The following PTK6 variants were observed in gnomAD, a reference collection of about 807,000 sequenced individuals.
PTK6 encodes protein-tyrosine kinase 6.
Under a neutral mutation model 47.5 loss-of-function variants are expected in PTK6, and 47 were observed. The observed-to-expected ratio is 0.99, with a 90% confidence interval of 0.78 to 1.26. The LOEUF (loss-of-function observed/expected upper bound fraction) is 1.26. Among genes scored for constraint, PTK6 ranks in the 50% most tolerant of loss-of-function variants. The probability of loss-of-function intolerance (pLI) is 0.00; values close to 1 mark genes in which losing one functional copy is unlikely to be tolerated. For missense variants in PTK6, 618 were observed against 625.3 expected (o/e 0.99, Z 0.12); for synonymous variants, 287 against 276.5 (o/e 1.04, Z -0.38).
At position 63,530,383 on chromosome 20, in the gene PTK6, C is replaced by G; in HGVS notation, c.1015-152G>C. 3.8e-6 allele frequency: 4 copies of G among 1,046,904 alleles called. No homozygotes were observed. Among genetic ancestry groups the G allele is most frequent in the African/African-American group, 1.6e-5 (1 of 62,572 alleles). 64.9% of individuals were successfully genotyped at this position (1,046,904 alleles called of 1,614,324 possible). On this transcript the variant is annotated intron_variant, in intron 6 of 7. Transcript: ENST00000542869. The surrounding 1 kb of genome is among the most constrained non-coding windows in gnomAD (Gnocchi z 4.1). The stretch of plus-strand genomic sequence containing the variant: ...CACGGCCGCTGCAGCTAAGGCCACA[C>G]TGGGGCCTGACCACCTTCAGGAGCC...
Position 63,529,728 on chromosome 20 carries a change from G to C in PTK6, c.1169-5C>G. ...AGGCCTCATGGTTGGACATGCCTGCGGCCGACAGGGATGAGAAGAGCTGGG... is the reference window on the plus strand; with the variant it reads ...AGGCCTCATGGTTGGACATGCCTGCCGCCGACAGGGATGAGAAGAGCTGGG... On this transcript the variant is annotated splice_polypyrimidine_tract_variant and splice_region_variant and intron_variant, in intron 7 of 7. Coordinates refer to ENST00000542869, the MANE Select transcript of PTK6 (RefSeq NM_005975.4). The surrounding 1 kb of genome is among the most constrained non-coding windows in gnomAD (Gnocchi z 5.6). The C allele has an allele frequency of 6.5e-7, 1 of 1,537,658 alleles. No individual in the cohort carries two copies. Among genetic ancestry groups the C allele is most frequent in the Non-Finnish European group, 8.7e-7 (1 of 1,143,318 alleles).
At chr20:63,535,092 T>C (rs1229832838) in intron 1 of PTK6, 33 bp from the exon 2 acceptor site, 2 of 1,568,110 alleles carry the variant, frequency 1.3e-6, no homozygotes, top group Non-Finnish European at 1.7e-6. Flanking sequence ...CACGCGGACC[T>C]GGGCCCACCC....
rs552657815 is a variant in PTK6 at position 63,530,100 on chromosome 20, G to A, written c.1146C>T (p.Ser382=). The stretch of plus-strand genomic sequence containing the variant: ...TACCTGGGTAGGGCACCTGACCCCT[G>A]CTGAACATCTCATGCAGGAGAATCC... ...SFGILLHEMF[S]RGQVPYPGMS... is the part of the protein sequence containing the mutation. The change falls in exon 7 of 8, where the codon AGC becomes AGT. Residue 382 remains serine, a synonymous_variant. Transcript: ENST00000542869. The surrounding 1 kb of genome is among the most constrained non-coding windows in gnomAD (Gnocchi z 4.1). 1 of 1,613,906 alleles carries A rather than the reference G, an allele frequency of 6.2e-7. No individual in the cohort carries two copies. The highest frequency in any genetic ancestry group is 1.7e-5 in the Admixed American group (1 of 60,014).
At position 63,530,340 on chromosome 20, in the gene PTK6, C is replaced by G. The variant is rs960534917; in HGVS notation, c.1015-109G>C. The G allele has an allele frequency of 4.2e-6, 6 of 1,419,480 alleles. No individual in the cohort carries two copies. The highest frequency in any genetic ancestry group is 5.8e-6 in the Non-Finnish European group (6 of 1,034,656). 87.9% of individuals were successfully genotyped at this position (1,419,480 alleles called of 1,614,324 possible). Reference sequence around the variant, plus strand: ...GCCCCAGCAGTGGGACGGTGATGACCCCACTGTCTGACCCACGCACGGCCG... The same window carrying G: ...GCCCCAGCAGTGGGACGGTGATGACGCCACTGTCTGACCCACGCACGGCCG... On this transcript the variant is annotated intron_variant, in intron 6 of 7. Coordinates refer to ENST00000542869, the MANE Select transcript of PTK6 (RefSeq NM_005975.4). This position sits in a 1 kb window ranked among gnomAD's most constrained non-coding sequence, Gnocchi z 4.1.
chr20:63,532,806 C>T, intron 4 of PTK6, 119 bp from the exon 5 acceptor site: 1 of 1,318,636 alleles, frequency 7.6e-7, no homozygotes. Context: ...GCAGGACACA[C>T]AGACCTCCTG....
rs56338872 is a variant in PTK6 at position 63,533,681 on chromosome 20, A to G, written c.540T>C (p.His180=). The change falls in exon 4 of 8, where the codon CAT becomes CAC. Residue 180 remains histidine, a synonymous_variant. Transcript: ENST00000542869. This position sits in a 1 kb window ranked among gnomAD's most constrained non-coding sequence, Gnocchi z 4.0. ...CRKHEPEPLP[H]WDDWERPREE... is the part of the protein sequence containing the mutation. ...CCCTCGGCCTCTCCCAGTCATCCCAATGGGGCAGGGGCTCAGGCTCGTGCT... is the reference window on the plus strand; with the variant it reads ...CCCTCGGCCTCTCCCAGTCATCCCAGTGGGGCAGGGGCTCAGGCTCGTGCT... 0.027 allele frequency: 43,238 copies of G among 1,613,022 alleles called. 8,026 individuals are homozygous for G. In the African/African-American group the frequency reaches 0.45, roughly 17 times the overall value.
Position 63,533,550 on chromosome 20 carries a change from C to T in PTK6, c.670+1G>A, listed in dbSNP as rs567929768. ...CAGAGCCCTGATCGGGGCCCACTCA[C>T]CTCGAGAAATCACCTTAATGGCCAC... On this transcript the variant is annotated splice_donor_variant, in intron 4 of 7. Transcript: ENST00000542869. LOFTEE classifies it high-confidence loss of function. The surrounding 1 kb of genome is among the most constrained non-coding windows in gnomAD (Gnocchi z 4.0). 4 of 1,605,126 alleles carry T rather than the reference C, an allele frequency of 2.5e-6. No homozygotes were observed. Among genetic ancestry groups the T allele is most frequent in the Non-Finnish European group, 3.4e-6 (4 of 1,174,472 alleles).
intron 2 of PTK6, 88 bp downstream of exon 2, chr20:63,534,850 A>G: frequency 6.8e-7 from 1 of 1,471,752 alleles, no homozygotes. Context: ...CGTCTCAGCC[A>G]GAGCGAGCCG....
rs1044387885 is a variant in PTK6 at position 63,534,316 on chromosome 20, C to A, written c.353-1G>T. On this transcript the variant is annotated splice_acceptor_variant, in intron 2 of 7. Coordinates refer to ENST00000542869, the MANE Select transcript of PTK6 (RefSeq NM_005975.4). LOFTEE classifies it high-confidence loss of function. ...TGCCGCACAGCCTGCGTGTCCCGCACTGGGAGGGAGAGCGTGAGCTGTGTG... is the reference window on the plus strand; with the variant it reads ...TGCCGCACAGCCTGCGTGTCCCGCAATGGGAGGGAGAGCGTGAGCTGTGTG... 2 of 1,598,610 alleles carry A rather than the reference C, an allele frequency of 1.3e-6. No homozygotes were observed. The highest frequency in any genetic ancestry group is 1.7e-6 in the Non-Finnish European group (2 of 1,174,726).
At chr20:63,535,694 G>A (rs1376179361) in intron 1 of PTK6, among the ~76,000 whole-genome samples, 1 of 151,322 alleles carries the variant, frequency 6.6e-6, no homozygotes, top group Non-Finnish European at 1.5e-5. Context: ...GAGCCCCTGG[G>A]GTCCACCCCC....
chr20:63,531,342 A>G (rs1600932522), intron 5 of PTK6, among the ~76,000 whole-genome samples: 2 of 144,534 alleles, frequency 1.4e-5, no homozygotes, highest in African/African-American at 2.6e-5. Context: ...AATGGCGTGA[A>G]CCCGGGAGGC....
At position 63,529,930 on chromosome 20, in the gene PTK6, A is replaced by G; in HGVS notation, c.1168+148T>C. The G allele has an allele frequency of 8.7e-7, 1 of 1,149,582 alleles. No homozygotes were observed. The highest frequency in any genetic ancestry group is 2.7e-5 in the Admixed American group (1 of 37,310). The allele number at this position is 1,149,582 out of a possible 1,614,324, so 71.2% of individuals were successfully genotyped here. A position where few individuals can be genotyped will look rare whatever the true frequency, so the allele number is the denominator to read the frequency against. On this transcript the variant is annotated intron_variant, in intron 7 of 7. Transcript: ENST00000542869. The surrounding 1 kb of genome is among the most constrained non-coding windows in gnomAD (Gnocchi z 5.6). ...GCTCCAGGCACCAGCCTGGGTGCTC[A>G]GAGAATGGTGCAGGTGTGGAGTTCA...
rs1441545887 is a variant in PTK6, at chr20:63,537,301, T to A, written c.14A>T (p.Asp5Val). 1 of 1,610,622 alleles carries A rather than the reference T, an allele frequency of 6.2e-7. No homozygotes were observed. Among genetic ancestry groups the A allele is most frequent in the Non-Finnish European group, 8.5e-7 (1 of 1,178,998 alleles). Residue 5 changes from aspartate to valine, a missense_variant, in exon 1 of 8, where the codon GAC (aspartate) becomes GTC (valine). By Grantham distance (152) the Asp-to-Val change is radical. Coordinates refer to ENST00000542869, the MANE Select transcript of PTK6 (RefSeq NM_005975.4). The stretch of plus-strand genomic sequence containing the variant: ...ATACTTGGGGCCCAGGTGAGCCTGG[T>A]CCCGGGACACCATGGCGGGCGGGCG... MVSRDQAHLGPKYVG... is the reference protein window; with the variant it reads MVSRVQAHLGPKYVG...
At chr20:63,536,959 GGGTGCAGGAAGAT>G in intron 1 of PTK6, 113 bp downstream of exon 1, 1 of 1,010,904 alleles carries the variant, frequency 9.9e-7, no homozygotes, top group South Asian at 1.6e-5. Flanking sequence ...CTGGACTTTG[GGGTGCAGGAAGAT>G]GGAACCGGGG....
Position 63,533,248 on chromosome 20 carries a change from A to G in PTK6, c.670+303T>C, listed in dbSNP as rs2082639409. Among the ~76,000 whole-genome samples the G allele has an allele frequency of 6.6e-6, 1 of 151,986 alleles. No individual in the cohort carries two copies. The highest frequency in any genetic ancestry group is 2.1e-4 in the South Asian group (1 of 4,832). ...ACACTCGGCTAATTTTTGTATTTTT[A>G]GTAGAGACGTGGTTTCCCCATGTTG... On this transcript the variant is annotated intron_variant, in intron 4 of 7. Transcript: ENST00000542869. The surrounding 1 kb of genome is among the most constrained non-coding windows in gnomAD (Gnocchi z 4.0).
Position 63,529,457 on chromosome 20 carries a change from G to A in PTK6, c.*79C>T, listed in dbSNP as rs533471869. The A allele has an allele frequency of 2.6e-5, 36 of 1,406,950 alleles. No homozygotes were observed. Among genetic ancestry groups the A allele is most frequent in the Admixed American group, 5.7e-5 (2 of 35,190 alleles). The allele number at this position is 1,406,950 out of a possible 1,614,324, so 87.2% of individuals were successfully genotyped here. A position where few individuals can be genotyped will look rare whatever the true frequency, so the allele number is the denominator to read the frequency against. ...ACCTCAGTAAACCCCAGGGAAGCGC[G>A]TGGGCCTTGATCCCAGGTCCAGGCC... On this transcript the variant is annotated 3_prime_UTR_variant, in exon 8 of 8. Transcript: ENST00000542869. The surrounding 1 kb of genome is among the most constrained non-coding windows in gnomAD (Gnocchi z 5.6).
intron 2 of PTK6, 40 bp downstream of exon 2, chr20:63,534,898 C>A (rs745777944): frequency 4.5e-6 from 7 of 1,561,354 alleles, no homozygotes; most frequent in African/African-American, 1.3e-5. Context: ...GAGCCAGGAG[C>A]CCCCGCAGGC....
At position 63,529,948 on chromosome 20, in the gene PTK6, G is replaced by T; in HGVS notation, c.1168+130C>A. Reference sequence around the variant, plus strand: ...GGTGCTCAGAGAATGGTGCAGGTGTGGAGTTCAGGCGATGGCCCGCGGAGG... The same window carrying T: ...GGTGCTCAGAGAATGGTGCAGGTGTTGAGTTCAGGCGATGGCCCGCGGAGG... On this transcript the variant is annotated intron_variant, in intron 7 of 7. Coordinates refer to ENST00000542869, the MANE Select transcript of PTK6 (RefSeq NM_005975.4). The surrounding 1 kb of genome is among the most constrained non-coding windows in gnomAD (Gnocchi z 5.6). 8.1e-7 allele frequency: 1 copy of T among 1,227,134 alleles called. No homozygotes were observed. Among genetic ancestry groups the T allele is most frequent in the Non-Finnish European group, 1.1e-6 (1 of 890,606 alleles). 76.0% of individuals were successfully genotyped at this position (1,227,134 alleles called of 1,614,324 possible).
chr20:63,534,164 C>G lies in PTK6; in HGVS notation c.504G>C (p.Ala168=). The G allele has an allele frequency of 1.9e-6, 3 of 1,552,048 alleles. No individual in the cohort carries two copies. The highest frequency in any genetic ancestry group is 1.7e-6 in the Non-Finnish European group (2 of 1,149,178). Reference sequence around the variant, plus strand: ...GCGGAGCGGCTACCTTCCGGCAGGGCGCGGCCAGCCGCAGGCCGTGGGACA... The same window carrying G: ...GCGGAGCGGCTACCTTCCGGCAGGGGGCGGCCAGCCGCAGGCCGTGGGACA... ...QSLSHGLRLA[A]PCRKHEPEPL... The change falls in exon 3 of 8, where the codon GCG becomes GCC. Residue 168 remains alanine (A), a synonymous_variant. Transcript: ENST00000542869.
Sources: allele counts gnomAD v4.1 joint callset (sites outside exome capture counted in the v4.1 genomes callset), GRCh38; gene constraint gnomAD v4.1.1; non-coding constraint Gnocchi (gnomAD v3.1); transcripts MANE v1.5; gene names NCBI Gene and HGNC (gene_info 2026-07-23, HGNC 2026-07-21).